PPP1CC: variants seen among roughly 807,000 people sequenced by gnomAD.
The protein encoded by PPP1CC is protein phosphatase 1 catalytic subunit gamma, also known as serine/threonine-protein phosphatase PP1-gamma catalytic subunit.
A neutral mutation model predicts 38.4 loss-of-function variants in PPP1CC; 16 were observed. The observed-to-expected ratio is 0.42, with a 90% CI of 0.28 to 0.63. The LOEUF is 0.63. Among genes scored for constraint, PPP1CC ranks in the 30% least tolerant of loss-of-function variants. The pLI is 0.25. For missense variants in PPP1CC, 170 were observed against 391.3 expected, an observed-to-expected ratio of 0.43 and a Z score of 4.77; for synonymous variants, 158 against 136.0, an observed-to-expected ratio of 1.16 and a Z score of -1.13.
At chr12:110,734,925 G>A (rs1052394408) in intron 1 of PPP1CC, 1 of 147,232 alleles carries the variant, frequency 6.8e-6, no homozygotes, top group Non-Finnish European at 1.5e-5. Flanking sequence ...GGGAGGTGGA[G>A]GTTGCAGTGA....
the PPP1CC span, among the ~76,000 whole-genome samples, chr12:110,711,986 G>C: frequency 2.0e-5 from 3 of 152,090 alleles, no homozygotes; most frequent in Non-Finnish European, 4.4e-5. Flanking sequence ...CACCTAACGA[G>C]TTTTCAGTCA....
chr12:110,721,740 C>G, intron 6 of PPP1CC: 1 of 239,008 alleles, frequency 4.2e-6, no homozygotes, highest in Non-Finnish European at 8.0e-6. Context: ...GGTACATTAA[C>G]AGAAGTTTTG....
chr12:110,729,178 T>C (rs1324545972), intron 3 of PPP1CC, among the ~76,000 whole-genome samples: 1 of 150,686 alleles, frequency 6.6e-6, no homozygotes, highest in Non-Finnish European at 1.5e-5. Context: ...TTTACTGAAC[T>C]GATATTTTCA....
At chr12:110,717,275 T>C (rs2069694649), downstream of PPP1CC, among the ~76,000 whole-genome samples, 1 of 152,216 alleles carries the variant, frequency 6.6e-6, no homozygotes, top group African/African-American at 2.4e-5. Context: ...TGCATACATC[T>C]GATTTGCAGG....
chr12:110,736,544 T>C (rs1473297458), intron 1 of PPP1CC, among the ~76,000 whole-genome samples: 1 of 151,904 alleles, frequency 6.6e-6, no homozygotes, highest in Non-Finnish European at 1.5e-5. Context: ...CTCGGGAGGC[T>C]AAGATGGGAG....
In PPP1CC at chr12:110,742,822, C is replaced by T. The variant is rs909615025; in HGVS notation, c.-115G>A. On this transcript the variant is annotated 5_prime_UTR_variant, in exon 1 of 7. Coordinates refer to ENST00000335007, the MANE Select transcript of PPP1CC (RefSeq NM_002710.4). ...CGGTGGTGGCGGCGGTGGCAGCAGC[C>T]GCGGCGGGTCCCCCCCCTGCCACCC... The T allele has an allele frequency of 1.7e-5, 14 of 818,678 alleles. No individual in the cohort carries two copies. Among genetic ancestry groups the T allele is most frequent in the Non-Finnish European group, 2.2e-5 (13 of 592,680 alleles). The allele number at this position is 818,678 out of a possible 1,614,324, so 50.7% of individuals were successfully genotyped here.
rs1360919934 is a variant in PPP1CC, at chr12:110,722,387, C to T, written c.747+85G>A. ...TCCAGAAACACTTTGTATAAATAAG[C>T]AATACCTACCCACCAAAATCAACAA... is the stretch of plus-strand genomic sequence containing the variant. On this transcript the variant is annotated intron_variant, in intron 5 of 6. Coordinates refer to ENST00000335007, the MANE Select transcript of PPP1CC (RefSeq NM_002710.4). This position sits in a 1 kb window ranked among gnomAD's most constrained non-coding sequence, Gnocchi z 5.4. 2 of 1,555,122 alleles carry T rather than the reference C, an allele frequency of 1.3e-6. No homozygotes were observed. The highest frequency in any genetic ancestry group is 1.8e-6 in the Non-Finnish European group (2 of 1,129,978).
intron 4 of PPP1CC, among the ~76,000 whole-genome samples, chr12:110,723,510 T>C (rs2136541300): frequency 6.6e-6 from 1 of 152,274 alleles, no homozygotes; most frequent in Admixed American, 6.5e-5. Flanking sequence ...TTATAACATA[T>C]ATATGTATAT....
In PPP1CC at chr12:110,742,662, G is replaced by A. The variant is rs774274205; in HGVS notation, c.46C>T (p.Leu16=). 3 of 1,469,860 alleles carry A rather than the reference G, an allele frequency of 2.0e-6. No individual in the cohort carries two copies. The highest frequency in any genetic ancestry group is 2.8e-5 in the South Asian group (2 of 71,432). 91.1% of individuals were successfully genotyped at this position (1,469,860 alleles called of 1,614,324 possible). A position where few individuals can be genotyped will look rare whatever the true frequency, so the allele number is the denominator to read the frequency against. ...KLNIDSIIQR[L]LEVRGSKPGK... The stretch of plus-strand genomic sequence containing the variant: ...CCGCCGCCCCCCTTACCTTCCAGCA[G>A]CCGTTGGATAATGCTGTCGATGTTG... Residue 16 remains leucine, a synonymous_variant, in exon 1 of 7, where the codon CTG becomes TTG. Transcript: ENST00000335007.
Position 110,720,046 on chromosome 12 carries a change from TG to T in PPP1CC, c.*1029del. 1 of 1,182,194 alleles carries T rather than the reference TG, an allele frequency of 8.5e-7. No homozygotes were observed. Among genetic ancestry groups the T allele is most frequent in the Non-Finnish European group, 1.2e-6 (1 of 840,216 alleles). 73.2% of individuals were successfully genotyped at this position (1,182,194 alleles called of 1,614,324 possible). On this transcript the variant is annotated 3_prime_UTR_variant, in exon 7 of 7. Coordinates refer to ENST00000335007, the MANE Select transcript of PPP1CC (RefSeq NM_002710.4). ...GTACTGTGAGTTCTGTATAAACTGG[TG>T]GACAGTAAGTTAGTTCCTTTGTTTT...
At chr12:110,721,296 G>C (rs919141278) in intron 6 of PPP1CC, 131 bp from the exon 7 acceptor site, 1 of 652,290 alleles carries the variant, frequency 1.5e-6, no homozygotes, top group Non-Finnish European at 2.7e-6. Flanking sequence ...AGCCCCCCTA[G>C]CATATTAACA....
chr12:110,723,746 G>A (rs1397631841), intron 4 of PPP1CC, among the ~76,000 whole-genome samples: 1 of 152,124 alleles, frequency 6.6e-6, no homozygotes, highest in Non-Finnish European at 1.5e-5. Context: ...ATGGCATCAA[G>A]CAATCCTCCT....
rs1844407415 is a variant in PPP1CC, at chr12:110,722,999, G to A, written c.524-304C>T. 6.6e-6 allele frequency among the ~76,000 whole-genome samples: 1 copy of A among 152,192 alleles called. No homozygotes were observed. The highest frequency in any genetic ancestry group is 1.5e-5 in the Non-Finnish European group (1 of 68,036). ...AGTGATTTAAAAAACTCTTCTATGGGCTTCCCCCAGTTGATGACAATAATG... is the reference window on the plus strand; with the variant it reads ...AGTGATTTAAAAAACTCTTCTATGGACTTCCCCCAGTTGATGACAATAATG... On this transcript the variant is annotated intron_variant, in intron 4 of 6. Transcript: ENST00000335007. This position sits in a 1 kb window ranked among gnomAD's most constrained non-coding sequence, Gnocchi z 5.4.
At chr12:110,711,975 C>A in the PPP1CC span, among the ~76,000 whole-genome samples, 1 of 152,058 alleles carries the variant, frequency 6.6e-6, no homozygotes, top group Non-Finnish European at 1.5e-5. Flanking sequence ...CAGTCACATG[C>A]CACCTAACGA....
At chr12:110,715,965 C>T (rs776439812), downstream of PPP1CC, among the ~76,000 whole-genome samples, 7 of 152,254 alleles carry the variant, frequency 4.6e-5, no homozygotes, top group African/African-American at 9.6e-5. Context: ...ATTGCTCCTG[C>T]GGTATCTGCA....
Position 110,742,699 on chromosome 12 carries a change from A to C in PPP1CC, c.9T>G (p.Asp3Glu). MA[D>E]LDKLNIDSII... ...TGCTGTCGATGTTGAGTTTATCTAA[A>C]TCCGCCATCGCCTTCCCACCGCCGA... Residue 3 changes from aspartate to glutamate, a missense_variant, in exon 1 of 7, where the codon GAT becomes GAG. By Grantham distance (45) the Asp-to-Glu change is conservative. Coordinates refer to ENST00000335007, the MANE Select transcript of PPP1CC (RefSeq NM_002710.4). The C allele has an allele frequency of 6.9e-7, 1 of 1,457,794 alleles. No individual in the cohort carries two copies. Among genetic ancestry groups the C allele is most frequent in the East Asian group, 2.8e-5 (1 of 36,308 alleles). The allele number at this position is 1,457,794 out of a possible 1,614,324, so 90.3% of individuals were successfully genotyped here. A position where few individuals can be genotyped will look rare whatever the true frequency, so the allele number is the denominator to read the frequency against.
intron 1 of PPP1CC, among the ~76,000 whole-genome samples, chr12:110,741,674 G>C (rs537265257): frequency 6.6e-6 from 1 of 152,246 alleles, no homozygotes; most frequent in South Asian, 2.1e-4. Flanking sequence ...TCCTACATAA[G>C]GTGACAGTGT....
the PPP1CC span, among the ~76,000 whole-genome samples, chr12:110,709,972 A>AATAATAATAATAATG: frequency 4.2e-5 from 6 of 143,592 alleles, no homozygotes; most frequent in African/African-American, 1.5e-4. Flanking sequence ...TAATAATAAT[A>AATAATAATAATAATG]ATAAAGGAAA....
rs2069860477 is a variant in PPP1CC, at chr12:110,730,597, T to A, written c.350A>T (p.Asn117Ile). Residue 117 changes from asparagine to isoleucine, a missense_variant, in exon 3 of 7, where the codon AAT becomes ATT. By Grantham distance (149) the Asn-to-Ile change is moderately radical. Coordinates refer to ENST00000335007, the MANE Select transcript of PPP1CC (RefSeq NM_002710.4). ...LLAYKIKYPE[N>I]FFLLRGNHEC... Reference sequence around the variant, plus strand: ...ATGGTTCCCTCTGAGAAGAAAAAAATTCTCAGGATATTTTATTTTGTAGGC... The same window carrying A: ...ATGGTTCCCTCTGAGAAGAAAAAAAATCTCAGGATATTTTATTTTGTAGGC... 1.2e-6 allele frequency: 2 copies of A among 1,613,952 alleles called. No homozygotes were observed.
Sources: gnomAD v4.1 joint callset for allele counts (sites outside exome capture counted in the v4.1 genomes callset) on GRCh38, gnomAD v4.1.1 for gene constraint, Gnocchi (gnomAD v3.1) non-coding constraint, MANE v1.5 for transcripts, NCBI Gene and HGNC (gene_info 2026-07-23, HGNC 2026-07-21) for gene names.